PRIM2: variants seen among roughly 807,000 people sequenced by gnomAD.
PRIM2 encodes the protein DNA primase subunit 2.
PRIM2 carries 39 observed loss-of-function variants against 67.3 expected under a neutral mutation model. That is an observed-to-expected ratio of 0.58 (90% confidence interval 0.45 to 0.76). PRIM2 has a LOEUF of 0.76. Ranked by LOEUF, PRIM2 falls within the 30% of genes least tolerant of loss-of-function variation. The pLI is 0.00. For missense variants in PRIM2, 398 were observed against 598.7 expected, an observed-to-expected ratio of 0.66 and a Z score of 3.50; for synonymous variants, 143 against 198.7, an observed-to-expected ratio of 0.72 and a Z score of 2.36.
rs1213082010 is a variant in PRIM2, at chr6:57,601,481, G to A, written c.1147+262G>A. On this transcript the variant is annotated intron_variant, in intron 11 of 13. Coordinates refer to ENST00000615550, the MANE Select transcript of PRIM2 (RefSeq NM_000947.5). Reference sequence around the variant, plus strand: ...TTCAGTTCTCACTGTCTTCCTTCCCGCTGTTCTCTGTCTCCCTCATCTTCT... The same window carrying A: ...TTCAGTTCTCACTGTCTTCCTTCCCACTGTTCTCTGTCTCCCTCATCTTCT... Among the ~76,000 whole-genome samples the A allele has an allele frequency of 7.2e-5, 11 of 152,152 alleles. 1 individual carries two copies. The South Asian group carries it at 1.9e-3, about 26-fold the overall frequency.
chr6:57,428,580 A>G (rs1159895014), intron 7 of PRIM2, among the ~76,000 whole-genome samples: 1 of 152,184 alleles, frequency 6.6e-6, no homozygotes, highest in African/African-American at 2.4e-5. Context: ...GGTGTGGGAC[A>G]TGAGTGTTTG....
chr6:57,401,069 C>G (rs1770690280), intron 7 of PRIM2, among the ~76,000 whole-genome samples: 1 of 152,116 alleles, frequency 6.6e-6, no homozygotes, highest in East Asian at 1.9e-4. Flanking sequence ...GATCTTTATT[C>G]CTGTCCATAT....
At chr6:57,645,858 C>G (rs1471958126) in intron 13 of PRIM2, 70 bp from the exon 14 acceptor site, 1 of 824,600 alleles carries the variant, frequency 1.2e-6, no homozygotes, top group African/African-American at 1.7e-5. Context: ...AGTACTAAAA[C>G]AGCTTTTGAA....
intron 7 of PRIM2, among the ~76,000 whole-genome samples, chr6:57,411,782 G>GT (rs1218662469): frequency 6.6e-6 from 1 of 151,770 alleles, no homozygotes; most frequent in Non-Finnish European, 1.5e-5. Flanking sequence ...TTCCTTTCAT[G>GT]TAAGGGCTAT....
chr6:57,279,513 C>T, the PRIM2 span, among the ~76,000 whole-genome samples: 1 of 152,142 alleles, frequency 6.6e-6, no homozygotes, highest in Non-Finnish European at 1.5e-5. Context: ...GAACCACCTA[C>T]CCCAGGCAGG....
intron 12 of PRIM2, among the ~76,000 whole-genome samples, chr6:57,620,861 A>G (rs1776840155): frequency 2.0e-5 from 3 of 152,288 alleles, no homozygotes; most frequent in Non-Finnish European, 2.9e-5. Flanking sequence ...GGACTCACAT[A>G]AACTTAAAGT....
intron 5 of PRIM2, among the ~76,000 whole-genome samples, chr6:57,376,568 G>C (rs1366383417): frequency 2.0e-5 from 3 of 152,098 alleles, no homozygotes; most frequent in African/African-American, 7.2e-5. Context: ...GAACCAGAAC[G>C]TCCACACACA....
chr6:57,469,156 C>G (rs1454533626), intron 7 of PRIM2, among the ~76,000 whole-genome samples: 2 of 152,168 alleles, frequency 1.3e-5, no homozygotes, highest in Non-Finnish European at 2.9e-5. Flanking sequence ...GTATGAAAAG[C>G]CTGTTTAACT....
At chr6:57,378,348 G>A (rs1228623266) in intron 5 of PRIM2, among the ~76,000 whole-genome samples, 1 of 151,290 alleles carries the variant, frequency 6.6e-6, no homozygotes, top group African/African-American at 2.4e-5. Flanking sequence ...TTATAGACGT[G>A]AGCCACCGTG....
chr6:57,269,845 A>T, the PRIM2 span, among the ~76,000 whole-genome samples: 1 of 152,206 alleles, frequency 6.6e-6, no homozygotes, highest in Non-Finnish European at 1.5e-5. Context: ...AACTTTCTAC[A>T]TATGGCTAGC....
chr6:57,542,265 T>G (rs1775176577), intron 10 of PRIM2, among the ~76,000 whole-genome samples: 1 of 152,206 alleles, frequency 6.6e-6, no homozygotes, highest in South Asian at 2.1e-4. Context: ...CGTGAGCTAC[T>G]GCCACCATGC....
intron 5 of PRIM2, among the ~76,000 whole-genome samples, chr6:57,365,417 A>G (rs1269713207): frequency 6.6e-6 from 1 of 151,346 alleles, no homozygotes; most frequent in South Asian, 2.1e-4. Context: ...TTATTAGCGG[A>G]ATTGAACATT....
rs1454766011 is a variant in PRIM2 at position 57,609,594 on chromosome 6, T to G, written c.1230+3137T>G. Among the ~76,000 whole-genome samples, 293 of 152,348 alleles carry G rather than the reference T, an allele frequency of 1.9e-3. 1 individual carries two copies. Among genetic ancestry groups the G allele is most frequent in the South Asian group, 3.7e-3 (18 of 4,832 alleles). On this transcript the variant is annotated intron_variant, in intron 12 of 13. Transcript: ENST00000615550. ...AATAGTAATGACCATGTTTGTATAC[T>G]CTTTGCTTTTGACTCCACTGTATTT...
At chr6:57,614,851 A>AATATATAT (rs1327651292) in intron 12 of PRIM2, among the ~76,000 whole-genome samples, 56 of 150,856 alleles carry the variant, frequency 3.7e-4, no homozygotes, top group South Asian at 4.2e-4. Context: ...CTCTGTCTCA[A>AATATATAT]ATATATATAT....
chr6:57,539,997 A>G (rs1483606450), intron 10 of PRIM2, among the ~76,000 whole-genome samples: 1 of 141,616 alleles, frequency 7.1e-6, no homozygotes, highest in African/African-American at 2.5e-5. Context: ...CCATCTCAAG[A>G]AAAAAAAAAA....
At chr6:57,375,873 A>G (rs1244014060) in intron 5 of PRIM2, among the ~76,000 whole-genome samples, 11 of 151,942 alleles carry the variant, frequency 7.2e-5, no homozygotes, top group Non-Finnish European at 1.3e-4. Flanking sequence ...GGGATTTGAG[A>G]CTAGGCTGGG....
rs1160636047 is a variant in PRIM2, at chr6:57,531,764, T to C, written c.762-647T>C. On this transcript the variant is annotated intron_variant, in intron 8 of 13. Transcript: ENST00000615550. ...CTGATCCTAACAAGTTTCTAACTCC[T>C]CCAAGCCTCCATTCATCAGATGATA... Among the ~76,000 whole-genome samples, 10 of 152,280 alleles carry C rather than the reference T, an allele frequency of 6.6e-5. No individual in the cohort carries two copies. In the East Asian group the frequency reaches 1.5e-3, roughly 23 times the overall value.
chr6:57,557,775 A>G (rs1775544265), intron 10 of PRIM2, among the ~76,000 whole-genome samples: 1 of 152,192 alleles, frequency 6.6e-6, no homozygotes, highest in African/African-American at 2.4e-5. Flanking sequence ...AAAAGTTAAA[A>G]AAAAAAAAGA....
At chr6:57,452,912 GT>G (rs1772607854) in intron 7 of PRIM2, among the ~76,000 whole-genome samples, 1 of 152,066 alleles carries the variant, frequency 6.6e-6, no homozygotes, top group Admixed American at 6.6e-5. Flanking sequence ...GGTTTTTATG[GT>G]TTTAGGTCTA....
Sources: allele counts gnomAD v4.1 joint callset (sites outside exome capture counted in the v4.1 genomes callset), GRCh38; gene constraint gnomAD v4.1.1; transcripts MANE v1.5; gene names NCBI Gene and HGNC (gene_info 2026-07-23, HGNC 2026-07-21).